Variants in HNRNPC observed in about 807,000 individuals in gnomAD.
The protein encoded by HNRNPC is heterogeneous nuclear ribonucleoprotein C, also known as heterogeneous nuclear ribonucleoproteins C1/C2.
HNRNPC carries 3 observed loss-of-function variants against 33.2 expected under a neutral mutation model. That is an observed-to-expected ratio of 0.09 (90% confidence interval 0.04 to 0.23). The LOEUF (loss-of-function observed/expected upper bound fraction) is 0.23. Ranked by LOEUF, HNRNPC falls within the 10% of genes least tolerant of loss-of-function variation. The pLI is 1.00. For synonymous variants in HNRNPC, 121 were observed against 126.7 expected (o/e 0.96, Z 0.30); for missense variants, 143 against 366.7 (o/e 0.39, Z 4.98).
chr14:21,260,369 TA>T (rs11345053), intron 2 of HNRNPC, among the ~76,000 whole-genome samples: 30,526 of 121,734 alleles, frequency 0.25, 4,241 homozygotes, highest in African/African-American at 0.42. Context: ...CCGTCTTATT[TA>T]AAAAAAAAAA....
intron 6 of HNRNPC, 125 bp downstream of exon 6, chr14:21,212,835 A>T (rs1261593529): frequency 8.0e-7 from 1 of 1,250,290 alleles, no homozygotes; most frequent in African/African-American, 1.5e-5. Context: ...GAGCCACCAC[A>T]CACCCAGCCT....
chr14:21,239,799 G>A (rs1264429228), intron 2 of HNRNPC, among the ~76,000 whole-genome samples: 1 of 151,768 alleles, frequency 6.6e-6, no homozygotes, highest in Middle Eastern at 3.2e-3. Flanking sequence ...CCTTGAACCC[G>A]TGAGGTGGAG....
At chr14:21,231,144 T>C in intron 3 of HNRNPC, 72 bp from the exon 4 acceptor site, 1 of 1,465,760 alleles carries the variant, frequency 6.8e-7, no homozygotes. Flanking sequence ...GTTTATTTTT[T>C]TTATTTTTGA....
rs762109395 is a variant in HNRNPC at position 21,251,803 on chromosome 14, A to C, written c.-37+11508T>G. 6.6e-5 allele frequency among the ~76,000 whole-genome samples: 10 copies of C among 152,306 alleles called. No individual in the cohort carries two copies. The South Asian group carries it at 1.0e-3, about 16-fold the overall frequency. On this transcript the variant is annotated intron_variant, in intron 2 of 8. Coordinates refer to ENST00000553300, the MANE Select transcript of HNRNPC (RefSeq NM_004500.4). ...AAATATTTCTGCAGGAATACATATA[A>C]ATTTTCAGTAAATTTCACACATAGA... is the stretch of plus-strand genomic sequence containing the variant.
intron 2 of HNRNPC, among the ~76,000 whole-genome samples, chr14:21,237,709 T>C (rs1594262725): frequency 6.6e-6 from 1 of 152,230 alleles, no homozygotes; most frequent in Non-Finnish European, 1.5e-5. Flanking sequence ...ATGTAACAGG[T>C]TGCCAGCATC....
At chr14:21,266,157 G>C (rs1411237776) in intron 1 of HNRNPC, among the ~76,000 whole-genome samples, 1 of 152,168 alleles carries the variant, frequency 6.6e-6, no homozygotes, top group Non-Finnish European at 1.5e-5. Flanking sequence ...CCAGGCTGGA[G>C]TGCAGTGGTG....
chr14:21,256,573 G>C (rs1242307887), intron 2 of HNRNPC, among the ~76,000 whole-genome samples: 1 of 152,144 alleles, frequency 6.6e-6, no homozygotes, highest in Non-Finnish European at 1.5e-5. Flanking sequence ...TAATGCACAG[G>C]AGACAAGGGT....
At chr14:21,254,977 T>C (rs139767465) in intron 2 of HNRNPC, among the ~76,000 whole-genome samples, 188 of 150,780 alleles carry the variant, frequency 1.2e-3, no homozygotes, top group African/African-American at 4.3e-3. Context: ...AGCATAGCCA[T>C]AACTCTAGCA....
chr14:21,216,659 A>G (rs377358879), intron 5 of HNRNPC, among the ~76,000 whole-genome samples: 1 of 152,178 alleles, frequency 6.6e-6, no homozygotes, highest in Non-Finnish European at 1.5e-5. Flanking sequence ...TAATGAGTCA[A>G]GATCCCACCA....
intron 2 of HNRNPC, among the ~76,000 whole-genome samples, chr14:21,249,188 A>C (rs1896336232): frequency 6.6e-6 from 1 of 152,190 alleles, no homozygotes; most frequent in South Asian, 2.1e-4. Flanking sequence ...CATGATACAC[A>C]GATAACTGAG....
chr14:21,215,946 GA>G (rs35342046), intron 5 of HNRNPC, among the ~76,000 whole-genome samples: 57 of 139,334 alleles, frequency 4.1e-4, no homozygotes, highest in African/African-American at 1.2e-3. Context: ...AAAAGAAAAA[GA>G]AAAAAAAAAC....
chr14:21,233,437 G>A (rs796814161), intron 3 of HNRNPC, among the ~76,000 whole-genome samples: 22 of 152,178 alleles, frequency 1.4e-4, no homozygotes, highest in Non-Finnish European at 3.2e-4. Context: ...AAAATGAGAA[G>A]TTAAAACAGA....
At chr14:21,264,516 T>C (rs1878667317) in intron 1 of HNRNPC, 2 of 152,198 alleles carry the variant, frequency 1.3e-5, no homozygotes, top group African/African-American at 4.8e-5. Context: ...TAGTCCACTA[T>C]TTACTATGTA....
At chr14:21,266,814 G>A (rs1429931420) in intron 1 of HNRNPC, among the ~76,000 whole-genome samples, 2 of 151,556 alleles carry the variant, frequency 1.3e-5, no homozygotes, top group Admixed American at 6.6e-5. Flanking sequence ...ACCGGGGCCG[G>A]GTGCGGTGGC....
At chr14:21,228,546 C>CA (rs1893733735) in intron 5 of HNRNPC, among the ~76,000 whole-genome samples, 2 of 151,950 alleles carry the variant, frequency 1.3e-5, no homozygotes, top group African/African-American at 4.8e-5. Context: ...CGCGTGCCAC[C>CA]ACGCCCAGCT....
chr14:21,218,090 G>A (rs896774507), intron 5 of HNRNPC, among the ~76,000 whole-genome samples: 1 of 152,098 alleles, frequency 6.6e-6, no homozygotes, highest in Non-Finnish European at 1.5e-5. Context: ...AGTCTCCCAA[G>A]TAGCGTGGAT....
At chr14:21,246,025 T>C (rs1223955490) in intron 2 of HNRNPC, among the ~76,000 whole-genome samples, 1 of 152,018 alleles carries the variant, frequency 6.6e-6, no homozygotes, top group African/African-American at 2.4e-5. Flanking sequence ...GGTTTGACCA[T>C]GTTGGCCAGG....
intron 3 of HNRNPC, among the ~76,000 whole-genome samples, chr14:21,231,783 C>T (rs902276582): frequency 6.6e-6 from 1 of 152,206 alleles, no homozygotes; most frequent in African/African-American, 2.4e-5. Flanking sequence ...AAGGTACTGA[C>T]TGTTCACTCA....
chr14:21,268,085 T>C (rs1384416767), intron 1 of HNRNPC, among the ~76,000 whole-genome samples: 2 of 152,174 alleles, frequency 1.3e-5, no homozygotes, highest in Non-Finnish European at 2.9e-5. Flanking sequence ...ATTAACAGAT[T>C]GTGAAAAATA....
Sources: gnomAD v4.1 joint callset for allele counts (sites outside exome capture counted in the v4.1 genomes callset) on GRCh38, gnomAD v4.1.1 for gene constraint, MANE v1.5 for transcripts, NCBI Gene and HGNC (gene_info 2026-07-23, HGNC 2026-07-21) for gene names.